The following CBFA2T3 variants were observed in gnomAD, a reference collection of about 807,000 sequenced individuals.
CBFA2T3 encodes transcriptional corepressor CBFA2T3.
CBFA2T3 carries 31 observed loss-of-function variants against 58.6 expected under a neutral mutation model. The observed-to-expected ratio is 0.53, with a 90% CI of 0.40 to 0.71. The LOEUF is 0.71. CBFA2T3 is among the 30% of genes least tolerant of loss of function. CBFA2T3 has a pLI of 0.00. For synonymous variants in CBFA2T3, 531 were observed against 421.9 expected (o/e 1.26, Z -3.17); for missense variants, 1,076 against 963.1 (o/e 1.12, Z -1.55).
intron 1 of CBFA2T3, among the ~76,000 whole-genome samples, chr16:88,906,104 C>T (rs1207652617): frequency 1.3e-5 from 2 of 152,090 alleles, no homozygotes; most frequent in Middle Eastern, 3.2e-3. Context: ...GAAATGGTGG[C>T]TATTATTATC....
chr16:88,900,297 G>A (rs182307198), intron 2 of CBFA2T3, among the ~76,000 whole-genome samples: 3 of 152,184 alleles, frequency 2.0e-5, no homozygotes, highest in Non-Finnish European at 2.9e-5. Flanking sequence ...CAACCAAGTC[G>A]GGAGGCTGAC....
rs959623042 is a variant in CBFA2T3, at chr16:88,885,267, G to C, written c.896C>G (p.Thr299Ser). ...GTCGCGGTCTGACCCGTTCTCTTTG[G>C]TCCTAGCCCCAAGAGCAGGTGGGGC... Reference protein sequence around the residue: ...ENGKRRTPDRTKENGSDRDPL... With the variant: ...ENGKRRTPDRSKENGSDRDPL... The change falls in exon 7 of 12, where the codon ACC (threonine) becomes AGC (serine). Residue 299 changes from threonine (T) to serine (S), a missense_variant and splice_region_variant. Transcript: ENST00000268679. The surrounding 1 kb of genome is among the most constrained non-coding windows in gnomAD (Gnocchi z 5.3). The C allele has an allele frequency of 1.3e-6, 2 of 1,535,724 alleles. No individual in the cohort carries two copies. Among genetic ancestry groups the C allele is most frequent in the African/African-American group, 2.8e-5 (2 of 72,716 alleles).
At chr16:88,957,716 T>A (rs1471270671) in intron 1 of CBFA2T3, 1 of 152,118 alleles carries the variant, frequency 6.6e-6, no homozygotes, top group Non-Finnish European at 1.5e-5. Context: ...CGACACACGC[T>A]CCAGTGGGGA....
At chr16:88,976,126 A>G (rs1972854562) in intron 1 of CBFA2T3, among the ~76,000 whole-genome samples, 1 of 152,142 alleles carries the variant, frequency 6.6e-6, no homozygotes, top group Non-Finnish European at 1.5e-5. Context: ...GGGCAGGCCC[A>G]GGTTCCCCGT....
At chr16:88,963,525 A>G (rs1972421239) in intron 1 of CBFA2T3, among the ~76,000 whole-genome samples, 1 of 152,122 alleles carries the variant, frequency 6.6e-6, no homozygotes, top group South Asian at 2.1e-4. Context: ...TCCCGGCCCC[A>G]GGAGCTGTCA....
chr16:88,922,288 T>A (rs2142739831), intron 1 of CBFA2T3, among the ~76,000 whole-genome samples: 1 of 152,340 alleles, frequency 6.6e-6, no homozygotes, highest in African/African-American at 2.4e-5. Flanking sequence ...CAGACCTGGC[T>A]GGGCTCTCAG....
At chr16:88,936,038 C>T (rs1597754582) in intron 1 of CBFA2T3, among the ~76,000 whole-genome samples, 1 of 152,154 alleles carries the variant, frequency 6.6e-6, no homozygotes, top group African/African-American at 2.4e-5. Context: ...CCCTGGCCCT[C>T]GTGGGGAGCC....
At chr16:88,896,106 G>A (rs1396618157) in intron 3 of CBFA2T3, among the ~76,000 whole-genome samples, 1 of 152,214 alleles carries the variant, frequency 6.6e-6, no homozygotes, top group South Asian at 2.1e-4. Context: ...GTCGGGTGTT[G>A]TGTGAGGCTG....
chr16:88,896,512 C>A (rs1019586344), intron 3 of CBFA2T3, among the ~76,000 whole-genome samples: 1 of 152,188 alleles, frequency 6.6e-6, no homozygotes, highest in African/African-American at 2.4e-5. Flanking sequence ...CCTTCTGAGC[C>A]TCTGTCCGGA....
At chr16:88,924,364 G>A (rs376881468) in intron 1 of CBFA2T3, among the ~76,000 whole-genome samples, 2 of 152,188 alleles carry the variant, frequency 1.3e-5, no homozygotes, top group Admixed American at 6.5e-5. Context: ...CCCTGGGGCC[G>A]CCGACCACAA....
chr16:88,947,575 C>T (rs557474919), intron 1 of CBFA2T3, among the ~76,000 whole-genome samples: 114 of 152,026 alleles, frequency 7.5e-4, no homozygotes, highest in Non-Finnish European at 1.3e-3. Context: ...AGTATACAAC[C>T]GATACAAACA....
At chr16:88,919,283 TA>T (rs1241027875) in intron 1 of CBFA2T3, among the ~76,000 whole-genome samples, 5 of 152,040 alleles carry the variant, frequency 3.3e-5, no homozygotes, top group Non-Finnish European at 7.4e-5. Context: ...GCAGTAGGTA[TA>T]AAAAAACCGG....
At chr16:88,913,986 G>C (rs918845101) in intron 1 of CBFA2T3, among the ~76,000 whole-genome samples, 1 of 152,146 alleles carries the variant, frequency 6.6e-6, no homozygotes, top group Non-Finnish European at 1.5e-5. Flanking sequence ...AGAGCAACAA[G>C]CCACAGCTGC....
At chr16:88,962,368 C>A (rs1047216062) in intron 1 of CBFA2T3, among the ~76,000 whole-genome samples, 1 of 152,374 alleles carries the variant, frequency 6.6e-6, no homozygotes, top group South Asian at 2.1e-4. Flanking sequence ...CCACAAATAA[C>A]ATGAGACGCC....
chr16:88,967,627 AAAG>A (rs1283753562), intron 1 of CBFA2T3, among the ~76,000 whole-genome samples: 1 of 150,812 alleles, frequency 6.6e-6, no homozygotes, highest in African/African-American at 2.4e-5. Flanking sequence ...TCCTTTCTAT[AAAG>A]AAGAGGGAAG....
intron 1 of CBFA2T3, among the ~76,000 whole-genome samples, chr16:88,922,559 T>C (rs1970956020): frequency 6.6e-6 from 1 of 152,220 alleles, no homozygotes; most frequent in South Asian, 2.1e-4. Flanking sequence ...GCAGACATTC[T>C]GCAAGCAGTC....
chr16:88,896,014 G>A (rs1969874001), intron 3 of CBFA2T3, among the ~76,000 whole-genome samples: 2 of 152,174 alleles, frequency 1.3e-5, no homozygotes, highest in African/African-American at 4.8e-5. Context: ...GAGTCGCTCA[G>A]GCCTGACCTG....
chr16:88,939,686 A>G (rs1412566733), intron 1 of CBFA2T3: 2 of 152,326 alleles, frequency 1.3e-5, no homozygotes, highest in African/African-American at 2.4e-5. Flanking sequence ...GAGCGGGGGC[A>G]AAGGACACAG....
chr16:88,972,970 C>T (rs1972691309), intron 1 of CBFA2T3, among the ~76,000 whole-genome samples: 1 of 152,210 alleles, frequency 6.6e-6, no homozygotes, highest in South Asian at 2.1e-4. Context: ...GACGTCTTGT[C>T]ATGCACACAC....
Sources: allele counts gnomAD v4.1 joint callset (sites outside exome capture counted in the v4.1 genomes callset), GRCh38; gene constraint gnomAD v4.1.1; non-coding constraint Gnocchi (gnomAD v3.1); transcripts MANE v1.5; gene names NCBI Gene and HGNC (gene_info 2026-07-23, HGNC 2026-07-21).